The following KLHL29 variants were observed in gnomAD, a reference collection of about 807,000 sequenced individuals.
KLHL29 encodes kelch like family member 29.
A neutral mutation model predicts 80.4 loss-of-function variants in KLHL29; 21 were observed. The observed-to-expected ratio is 0.26, with a 90% CI of 0.19 to 0.38. The LOEUF (loss-of-function observed/expected upper bound fraction) is 0.38, where lower values mean the gene tolerates loss of function less well. KLHL29 is among the 10% of genes least tolerant of loss of function. The pLI is 1.00. For synonymous variants in KLHL29, 511 were observed against 526.8 expected, an observed-to-expected ratio of 0.97 and a Z score of 0.41; for missense variants, 867 against 1,223.9, an observed-to-expected ratio of 0.71 and a Z score of 4.35.
chr2:23,622,084 A>C (rs911199819), intron 3 of KLHL29, among the ~76,000 whole-genome samples: 10 of 152,200 alleles, frequency 6.6e-5, no homozygotes, highest in African/African-American at 2.4e-4. Flanking sequence ...GCACCCTCTC[A>C]TCAGGCCTGG....
intron 1 of KLHL29, among the ~76,000 whole-genome samples, chr2:23,421,560 GTGTGTC>G (rs1233683221): frequency 1.4e-5 from 2 of 141,204 alleles, no homozygotes; most frequent in East Asian, 2.2e-4. Flanking sequence ...GTGTGTGTGT[GTGTGTC>G]TGTAGCTGTG....
intron 5 of KLHL29, among the ~76,000 whole-genome samples, chr2:23,665,390 T>G (rs774619775): frequency 6.6e-6 from 1 of 152,174 alleles, no homozygotes; most frequent in African/African-American, 2.4e-5. Flanking sequence ...TGGTGCCCAA[T>G]GGGACACTAG....
intron 2 of KLHL29, among the ~76,000 whole-genome samples, chr2:23,547,336 T>C (rs747322780): frequency 3.9e-5 from 6 of 152,036 alleles, no homozygotes; most frequent in African/African-American, 7.2e-5. Context: ...GGACCAGATA[T>C]GATAAGAGTT....
intron 2 of KLHL29, among the ~76,000 whole-genome samples, chr2:23,508,561 G>A (rs1166792247): frequency 6.6e-6 from 1 of 152,262 alleles, no homozygotes; most frequent in Non-Finnish European, 1.5e-5. Flanking sequence ...GTAGATTCAA[G>A]AGGAGAGAAT....
At chr2:23,593,156 G>A (rs2103517473) in intron 3 of KLHL29, among the ~76,000 whole-genome samples, 1 of 152,318 alleles carries the variant, frequency 6.6e-6, no homozygotes, top group Admixed American at 6.5e-5. Flanking sequence ...AGGTTGTCAA[G>A]CAGGCTGGAG....
At chr2:23,409,382 C>T (rs1666809373) in intron 1 of KLHL29, among the ~76,000 whole-genome samples, 2 of 152,192 alleles carry the variant, frequency 1.3e-5, no homozygotes, top group Admixed American at 6.5e-5. Flanking sequence ...TAGCATATGG[C>T]TGGAGGTGGG....
chr2:23,478,282 T>G (rs1664691669), intron 2 of KLHL29, among the ~76,000 whole-genome samples: 1 of 152,164 alleles, frequency 6.6e-6, no homozygotes, highest in Admixed American at 6.5e-5. Context: ...TGCAGCCTGG[T>G]GCTGGCTGTG....
In KLHL29 at chr2:23,669,777, A is replaced by G. The variant is rs902694364; in HGVS notation, c.941-14622A>G. On this transcript the variant is annotated intron_variant, in intron 5 of 13. Transcript: ENST00000486442. The surrounding 1 kb of genome is among the most constrained non-coding windows in gnomAD (Gnocchi z 4.3). ...TGAGGCCCCCAGAACCCAGGGCTGC[A>G]GCCGAGTACACAGGCCTGGCCCCGC... is the stretch of plus-strand genomic sequence containing the variant. Among the ~76,000 whole-genome samples the G allele has an allele frequency of 3.9e-5, 6 of 152,194 alleles. No homozygotes were observed. Among genetic ancestry groups the G allele is most frequent in the Non-Finnish European group, 8.8e-5 (6 of 68,026 alleles).
At chr2:23,558,309 C>T (rs939223502) in intron 2 of KLHL29, among the ~76,000 whole-genome samples, 1 of 152,222 alleles carries the variant, frequency 6.6e-6, no homozygotes, top group Non-Finnish European at 1.5e-5. Flanking sequence ...GAGGCGTCTA[C>T]ACTGTGAGCC....
chr2:23,545,751 C>T (rs1005056783), intron 2 of KLHL29, among the ~76,000 whole-genome samples: 1 of 152,204 alleles, frequency 6.6e-6, no homozygotes, highest in Admixed American at 6.5e-5. Context: ...GCCCAGTCCT[C>T]TTCTCGGGCG....
chr2:23,687,069 C>G (rs1303227276), intron 6 of KLHL29, among the ~76,000 whole-genome samples: 1 of 152,208 alleles, frequency 6.6e-6, no homozygotes, highest in Non-Finnish European at 1.5e-5. Context: ...ATCCGTGACC[C>G]TGGAGACTTA....
At chr2:23,424,006 A>T (rs1026534469) in intron 1 of KLHL29, among the ~76,000 whole-genome samples, 1 of 152,160 alleles carries the variant, frequency 6.6e-6, no homozygotes, top group South Asian at 2.1e-4. Context: ...TCCACCTGTC[A>T]CACCCAGCAC....
intron 2 of KLHL29, among the ~76,000 whole-genome samples, chr2:23,548,067 T>C (rs1667023417): frequency 3.5e-5 from 1 of 28,314 alleles, no homozygotes. Context: ...CCCCGGACTA[T>C]GTCAAGCCGA....
At chr2:23,613,264 A>G (rs1481087232) in intron 3 of KLHL29, among the ~76,000 whole-genome samples, 1 of 152,212 alleles carries the variant, frequency 6.6e-6, no homozygotes, top group Non-Finnish European at 1.5e-5. Context: ...ACCAAAAGAC[A>G]AAGCTTTTCA....
intron 8 of KLHL29, among the ~76,000 whole-genome samples, chr2:23,694,557 A>G (rs990156781): frequency 2.6e-5 from 4 of 152,198 alleles, no homozygotes; most frequent in Admixed American, 6.5e-5. Context: ...GAAACTGTGC[A>G]GTCCTTGTTG....
intron 3 of KLHL29, among the ~76,000 whole-genome samples, chr2:23,593,427 CT>C (rs1441973722): frequency 2.6e-5 from 4 of 152,122 alleles, no homozygotes; most frequent in Admixed American, 1.3e-4. Flanking sequence ...CTGCACAGCC[CT>C]TTTACTCTCC....
intron 1 of KLHL29, among the ~76,000 whole-genome samples, chr2:23,447,341 C>T (rs1421229548): frequency 6.6e-6 from 1 of 152,214 alleles, no homozygotes; most frequent in African/African-American, 2.4e-5. Flanking sequence ...GGCCACACCA[C>T]CTCGAGGAGG....
At chr2:23,670,915 GCGCTCTCTCTCTCTCT>G (rs1670706097) in intron 5 of KLHL29, among the ~76,000 whole-genome samples, 1 of 27,038 alleles carries the variant, frequency 3.7e-5, no homozygotes, top group African/African-American at 7.6e-5. Flanking sequence ...ACACATGCAC[GCGCTCTCTCTCTCTCT>G]CTCTCTCTCT....
intron 3 of KLHL29, among the ~76,000 whole-genome samples, chr2:23,603,582 A>C (rs929710890): frequency 2.0e-5 from 3 of 152,154 alleles, no homozygotes; most frequent in African/African-American, 7.2e-5. Context: ...AAAAATTCTG[A>C]AAGTGCTGAT....
Sources: allele counts gnomAD v4.1 joint callset (sites outside exome capture counted in the v4.1 genomes callset), GRCh38; gene constraint gnomAD v4.1.1; non-coding constraint Gnocchi (gnomAD v3.1); transcripts MANE v1.5; gene names NCBI Gene and HGNC (gene_info 2026-07-23, HGNC 2026-07-21).